CZIB: variants seen among roughly 807,000 people sequenced by gnomAD.
CZIB encodes the protein UPF0587 protein C1orf123.
Under a neutral mutation model 28.3 loss-of-function variants are expected in CZIB, and 26 were observed. That is an observed-to-expected ratio of 0.92 (90% CI 0.67 to 1.27). CZIB has a LOEUF of 1.27. Among genes scored for constraint, CZIB ranks in the 50% most tolerant of loss-of-function variants. The pLI is 0.00. For missense variants in CZIB, 179 were observed against 197.3 expected (o/e 0.91, Z 0.56); for synonymous variants, 78 against 71.1 (o/e 1.10, Z -0.49).
At chr1:53,216,970 G>A in intron 5 of CZIB, 111 bp from the exon 6 acceptor site, 2 of 910,346 alleles carry the variant, frequency 2.2e-6, no homozygotes, top group Non-Finnish European at 3.6e-6. Context: ...GGCCTAGTAT[G>A]AGACCCAGGA....
At position 53,218,212 on chromosome 1, in the gene CZIB, G is replaced by C. The variant is rs1553170398; in HGVS notation, c.230-9C>G. ...GGTGCTGCTTAAAATCTCTGAAATA[G>C]AAAAGAGAACACAAAGTTGACTTGA... is the stretch of plus-strand genomic sequence containing the variant. On this transcript the variant is annotated splice_polypyrimidine_tract_variant and intron_variant, in intron 4 of 7. Transcript: ENST00000294360. 2 of 1,614,056 alleles carry C rather than the reference G, an allele frequency of 1.2e-6. No homozygotes were observed. Among genetic ancestry groups the C allele is most frequent in the South Asian group, 1.1e-5 (1 of 91,072 alleles).
rs572440602 is a variant in CZIB, at chr1:53,219,257, T to C, written c.91-334A>G. On this transcript the variant is annotated intron_variant, in intron 2 of 7. Transcript: ENST00000294360. ...GTTAGAAGATACAAAATTACAGCTA[T>C]ATGGGAGGAATAAGTTCTAGTGTTC... 8.0e-4 allele frequency: 268 copies of C among 336,614 alleles called. 3 individuals are homozygous for C. The highest frequency in any genetic ancestry group is 7.2e-3 in the South Asian group (230 of 31,842). 20.9% of individuals were successfully genotyped at this position (336,614 alleles called of 1,614,324 possible). A position where few individuals can be genotyped will look rare whatever the true frequency, so the allele number is the denominator to read the frequency against.
Position 53,220,628 on chromosome 1 carries a change from G to A in CZIB, c.-53C>T. 6.3e-7 allele frequency: 1 copy of A among 1,588,588 alleles called. No individual in the cohort carries two copies. Among genetic ancestry groups the A allele is most frequent in the Non-Finnish European group, 8.5e-7 (1 of 1,174,552 alleles). On this transcript the variant is annotated 5_prime_UTR_variant, in exon 1 of 8. Coordinates refer to ENST00000294360, the MANE Select transcript of CZIB (RefSeq NM_017887.3). ...GCGGCCCTTGCCGTTGCTTTCCGGC[G>A]CGTCGTAAAAGGCGGGTGCCGTCTG...
intron 4 of CZIB, 47 bp downstream of exon 4, chr1:53,218,367 A>T: frequency 6.2e-7 from 1 of 1,603,198 alleles, no homozygotes; most frequent in Non-Finnish European, 8.5e-7. Context: ...GGTGCCAGGA[A>T]GCTGTGGGCC....
chr1:53,218,131 A>G, intron 5 of CZIB, 41 bp downstream of exon 5: 5 of 1,607,366 alleles, frequency 3.1e-6, no homozygotes, highest in Non-Finnish European at 4.3e-6. Context: ...TCCAGTTAGG[A>G]TTTAAGCCCA....
chr1:53,218,579 A>T (rs1417956585), intron 3 of CZIB, 84 bp from the exon 4 acceptor site: 2 of 1,345,816 alleles, frequency 1.5e-6, no homozygotes, highest in African/African-American at 2.9e-5. Flanking sequence ...TTTATTGTCC[A>T]CTTAAAGAGA....
In CZIB at chr1:53,216,814, G is replaced by C. The variant is rs759877678; in HGVS notation, c.307C>G (p.Arg103Gly). ...NFKTIVEFEC[R>G]GLEPVDFQPQ... ...TGGAAATCAACTGGTTCAAGGCCCC[G>C]GCACTCAAACTCCACTATTGTCTTG... The change falls in exon 6 of 8, where the codon CGG becomes GGG. Residue 103 changes from arginine (R) to glycine (G), a missense_variant. Arg to Gly is a moderately radical substitution (Grantham distance 125, BLOSUM62 -2). Coordinates refer to ENST00000294360, the MANE Select transcript of CZIB (RefSeq NM_017887.3). The C allele has an allele frequency of 6.2e-7, 1 of 1,614,128 alleles. No homozygotes were observed. Among genetic ancestry groups the C allele is most frequent in the South Asian group, 1.1e-5 (1 of 91,072 alleles).
At chr1:53,216,101 C>T (rs1291946659) in intron 6 of CZIB, 45 bp from the exon 7 acceptor site, 1 of 1,600,706 alleles carries the variant, frequency 6.2e-7, no homozygotes, top group Admixed American at 1.7e-5. Flanking sequence ...CAAAAGAAGG[C>T]ATTGGGCTAT....
chr1:53,218,757 G>A (rs994956102), intron 3 of CZIB, 110 bp downstream of exon 3: 12 of 1,156,490 alleles, frequency 1.0e-5, no homozygotes, highest in Non-Finnish European at 1.4e-5. Context: ...ACCACAAAAA[G>A]CAGGGAGCAA....
chr1:53,215,754 T>C (rs193163001), intron 7 of CZIB, among the ~76,000 whole-genome samples: 32 of 152,354 alleles, frequency 2.1e-4, no homozygotes, highest in Non-Finnish European at 1.6e-4. Flanking sequence ...CTATAGCTCA[T>C]GCCTGAATAA....
At chr1:53,218,348 T>C in intron 4 of CZIB, 66 bp downstream of exon 4, 1 of 1,597,974 alleles carries the variant, frequency 6.3e-7, no homozygotes, top group South Asian at 1.1e-5. Flanking sequence ...ATGAGTCTAC[T>C]TTCAGCCTGG....
At position 53,216,185 on chromosome 1, in the gene CZIB, T is replaced by A. The variant is rs966177453; in HGVS notation, c.340-129A>T. On this transcript the variant is annotated intron_variant, in intron 6 of 7. Transcript: ENST00000294360. ...AGGACAGAGATGCAGTATGAGTACC[T>A]GTCTTGGAATAACTGCTGAGCTTCC... The A allele has an allele frequency of 7.6e-6, 6 of 784,836 alleles. No individual in the cohort carries two copies. The African/African-American group carries it at 1.0e-4, about 14-fold the overall frequency. 48.6% of individuals were successfully genotyped at this position (784,836 alleles called of 1,614,324 possible).
In CZIB at chr1:53,214,535, G is replaced by T; in HGVS notation, c.*124C>A. Reference sequence around the variant, plus strand: ...AAGCTGTAATAAAGTCCAGCATGCAGATTGTGAAGGTTTCGTATAGCCACC... The same window carrying T: ...AAGCTGTAATAAAGTCCAGCATGCATATTGTGAAGGTTTCGTATAGCCACC... On this transcript the variant is annotated 3_prime_UTR_variant, in exon 8 of 8. Transcript: ENST00000294360. 1 of 746,612 alleles carries T rather than the reference G, an allele frequency of 1.3e-6. No individual in the cohort carries two copies. Among genetic ancestry groups the T allele is most frequent in the Non-Finnish European group, 2.2e-6 (1 of 444,968 alleles). 46.2% of individuals were successfully genotyped at this position (746,612 alleles called of 1,614,324 possible).
Position 53,216,024 on chromosome 1 carries a change from C to A in CZIB, c.372G>T (p.Gly124=). ...AGFAAEGVES[G]TAFSDINLQE... ...GCAGATTAATGTCACTGAAGGCTGT[C>A]CCTGACTCCACACCTTCAGCAGCAA... Residue 124 remains glycine (G), a synonymous_variant, in exon 7 of 8, where the codon GGG becomes GGT. Transcript: ENST00000294360. The A allele has an allele frequency of 6.2e-7, 1 of 1,614,160 alleles. No individual in the cohort carries two copies. Among genetic ancestry groups the A allele is most frequent in the African/African-American group, 1.3e-5 (1 of 75,058 alleles).
In CZIB at chr1:53,218,397, C is replaced by A; in HGVS notation, c.229+17G>T. ...TGGGCCACCCTGGCAGAACTCAGTA[C>A]GCACAGCCTGACCTACCGATGGAAT... On this transcript the variant is annotated intron_variant, in intron 4 of 7. Transcript: ENST00000294360. 1 of 1,613,954 alleles carries A rather than the reference C, an allele frequency of 6.2e-7. No homozygotes were observed. The highest frequency in any genetic ancestry group is 8.5e-7 in the Non-Finnish European group (1 of 1,179,812).
rs1472255617 is a variant in CZIB, at chr1:53,214,488, G to A, written c.*171C>T. 5.0e-6 allele frequency: 3 copies of A among 596,842 alleles called. No individual in the cohort carries two copies. The Admixed American group carries it at 8.6e-5, about 17-fold the overall frequency. The allele number at this position is 596,842 out of a possible 1,614,324, so 37.0% of individuals were successfully genotyped here. ...CATGCACCAGTGCAGCGTGAACAGG[G>A]GCTTTATTGATGGGGCTTGGGAAGC... On this transcript the variant is annotated 3_prime_UTR_variant, in exon 8 of 8. Transcript: ENST00000294360.
In CZIB at chr1:53,214,553, T is replaced by G; in HGVS notation, c.*106A>C. The G allele has an allele frequency of 1.1e-6, 1 of 907,890 alleles. No individual in the cohort carries two copies. The highest frequency in any genetic ancestry group is 1.7e-6 in the Non-Finnish European group (1 of 577,192). 56.2% of individuals were successfully genotyped at this position (907,890 alleles called of 1,614,324 possible). On this transcript the variant is annotated 3_prime_UTR_variant, in exon 8 of 8. Transcript: ENST00000294360. ...GCATGCAGATTGTGAAGGTTTCGTATAGCCACCAGGAGACAAGGGTCAAAG... is the reference window on the plus strand; with the variant it reads ...GCATGCAGATTGTGAAGGTTTCGTAGAGCCACCAGGAGACAAGGGTCAAAG...
rs1471991703 is a variant in CZIB, at chr1:53,219,125, C to T, written c.91-202G>A. 2.9e-5 allele frequency: 17 copies of T among 592,426 alleles called. No homozygotes were observed. The South Asian group carries it at 2.9e-4, about 10-fold the overall frequency. 36.7% of individuals were successfully genotyped at this position (592,426 alleles called of 1,614,324 possible). ...TAGGTAAGGCTGTTTCCTATGCCGGCGTGCCCACCCTCCTCTATGAAGTGC... is the reference window on the plus strand; with the variant it reads ...TAGGTAAGGCTGTTTCCTATGCCGGTGTGCCCACCCTCCTCTATGAAGTGC... On this transcript the variant is annotated intron_variant, in intron 2 of 7. Coordinates refer to ENST00000294360, the MANE Select transcript of CZIB (RefSeq NM_017887.3).
rs1572388474 is a variant in CZIB at position 53,214,545 on chromosome 1, G to T, written c.*114C>A. ...AAAGTCCAGCATGCAGATTGTGAAG[G>T]TTTCGTATAGCCACCAGGAGACAAG... On this transcript the variant is annotated 3_prime_UTR_variant, in exon 8 of 8. Transcript: ENST00000294360. The T allele has an allele frequency of 1.2e-6, 1 of 834,058 alleles. No homozygotes were observed. The highest frequency in any genetic ancestry group is 1.9e-6 in the Non-Finnish European group (1 of 518,280). 51.7% of individuals were successfully genotyped at this position (834,058 alleles called of 1,614,324 possible).
Sources: allele counts gnomAD v4.1 joint callset (sites outside exome capture counted in the v4.1 genomes callset), GRCh38; gene constraint gnomAD v4.1.1; transcripts MANE v1.5; gene names NCBI Gene and HGNC (gene_info 2026-07-23, HGNC 2026-07-21).